POLR2D: variants seen among roughly 807,000 people sequenced by gnomAD.
POLR2D encodes the protein RNA polymerase II subunit D.
Under a neutral mutation model 17.6 loss-of-function variants are expected in POLR2D, and 10 were observed. The ratio of observed to expected loss-of-function variants is 0.57; its 90% CI spans 0.35 to 0.96. The LOEUF is 0.96. POLR2D is among the 40% of genes least tolerant of loss of function. POLR2D has a pLI of 0.02. For missense variants in POLR2D, 126 were observed against 176.4 expected (o/e 0.71, Z 1.62); for synonymous variants, 52 against 60.2 (o/e 0.86, Z 0.63).
intron 1 of POLR2D, chr2:127,857,773 G>A (rs973115694): frequency 7.8e-7 from 1 of 1,280,048 alleles, no homozygotes; most frequent in African/African-American, 1.6e-5. Flanking sequence ...TACCACCTGA[G>A]TGTCCGGCTT....
intron 2 of POLR2D, among the ~76,000 whole-genome samples, chr2:127,851,895 A>T (rs1690258294): frequency 6.6e-6 from 1 of 152,118 alleles, no homozygotes; most frequent in Non-Finnish European, 1.5e-5. Flanking sequence ...GGTTCAAGCA[A>T]TTCTCCTTTC....
At chr2:127,856,504 T>C (rs1029938952) in intron 1 of POLR2D, among the ~76,000 whole-genome samples, 2 of 149,122 alleles carry the variant, frequency 1.3e-5, no homozygotes, top group African/African-American at 4.9e-5. Flanking sequence ...GCAGGATGGC[T>C]TGAAACTAGG....
chr2:127,848,952 G>A (rs920229363), intron 3 of POLR2D, among the ~76,000 whole-genome samples: 3 of 151,568 alleles, frequency 2.0e-5, no homozygotes, highest in Non-Finnish European at 2.9e-5. Flanking sequence ...GAGCCACCAC[G>A]CCCGGCCCTG....
chr2:127,857,423 G>A (rs192541520), intron 1 of POLR2D, among the ~76,000 whole-genome samples: 22 of 152,322 alleles, frequency 1.4e-4, no homozygotes, highest in Admixed American at 3.9e-4. Context: ...ACCACTTAAA[G>A]TGCGTGCGTG....
intron 1 of POLR2D, among the ~76,000 whole-genome samples, chr2:127,854,002 C>T (rs1012400156): frequency 2.6e-5 from 4 of 152,124 alleles, no homozygotes; most frequent in Non-Finnish European, 4.4e-5. Flanking sequence ...TCCCTCTAGC[C>T]GGCATCAGCT....
intron 1 of POLR2D, among the ~76,000 whole-genome samples, chr2:127,854,762 GTT>G (rs745421537): frequency 3.5e-4 from 53 of 152,104 alleles, no homozygotes; most frequent in Non-Finnish European, 5.7e-4. Context: ...GGGCAGGAGA[GTT>G]TAAACGAAAA....
chr2:127,857,575 A>G (rs1690359673), intron 1 of POLR2D, among the ~76,000 whole-genome samples: 1 of 150,826 alleles, frequency 6.6e-6, no homozygotes, highest in South Asian at 2.1e-4. Flanking sequence ...ACACGGACCA[A>G]TCCTCCTCTT....
Position 127,845,228 on chromosome 2 carries a change from A to G in POLR2D, c.*2879T>C, listed in dbSNP as rs77940289. 3,871 of 152,304 alleles carry G rather than the reference A, an allele frequency of 0.025. 60 individuals carry two copies. Among genetic ancestry groups the G allele is most frequent in the Non-Finnish European group, 0.041 (2,780 of 68,040 alleles). 9.4% of individuals were successfully genotyped at this position (152,304 alleles called of 1,614,324 possible). On this transcript the variant is annotated 3_prime_UTR_variant, in exon 4 of 4. Coordinates refer to ENST00000272645, the MANE Select transcript of POLR2D (RefSeq NM_004805.4). ...ATGTAAGTGCCTCTCTCAAGAAATA[A>G]TTCTGCAGTACTCACTTTGGCAGCA... is the stretch of plus-strand genomic sequence containing the variant.
intron 2 of POLR2D, among the ~76,000 whole-genome samples, chr2:127,851,751 C>A (rs1014902619): frequency 6.6e-6 from 1 of 152,120 alleles, no homozygotes; most frequent in African/African-American, 2.4e-5. Flanking sequence ...ATCTATCTAT[C>A]TATCTATAGG....
At chr2:127,849,486 A>G (rs554022243) in intron 3 of POLR2D, among the ~76,000 whole-genome samples, 2 of 152,302 alleles carry the variant, frequency 1.3e-5, no homozygotes, top group South Asian at 4.1e-4. Context: ...TTTGCCATAC[A>G]TATTTTTATA....
chr2:127,858,115 G>GCGCCT lies in POLR2D; in HGVS notation c.-16_-15insAGGCG. On this transcript the variant is annotated 5_prime_UTR_variant, in exon 1 of 4. Transcript: ENST00000272645. ...CCCGCCGCCATCGCCGCGCCGCGCC[G>GCGCCT]CGCGCCACCACCAGCGCCGCCGGAA... 1 of 1,475,498 alleles carries GCGCCT rather than the reference G, an allele frequency of 6.8e-7. No individual in the cohort carries two copies. Among genetic ancestry groups the GCGCCT allele is most frequent in the Non-Finnish European group, 9.0e-7 (1 of 1,111,900 alleles). 91.4% of individuals were successfully genotyped at this position (1,475,498 alleles called of 1,614,324 possible).
intron 1 of POLR2D, among the ~76,000 whole-genome samples, chr2:127,855,822 CAATT>C (rs1444675008): frequency 1.3e-5 from 2 of 148,718 alleles, no homozygotes; most frequent in Non-Finnish European, 3.0e-5. Flanking sequence ...CACACACACA[CAATT>C]TATTTAGAAA....
At chr2:127,850,972 G>A (rs1262470327) in intron 2 of POLR2D, among the ~76,000 whole-genome samples, 2 of 152,136 alleles carry the variant, frequency 1.3e-5, no homozygotes, top group Non-Finnish European at 2.9e-5. Context: ...TGTAATCCCA[G>A]CACTTTGGGA....
At chr2:127,855,885 A>G (rs1381510568) in intron 1 of POLR2D, among the ~76,000 whole-genome samples, 1 of 152,236 alleles carries the variant, frequency 6.6e-6, no homozygotes, top group Non-Finnish European at 1.5e-5. Flanking sequence ...TCTTGTGCAA[A>G]TATTTTAAGA....
chr2:127,854,593 G>A (rs1387775028), intron 1 of POLR2D, among the ~76,000 whole-genome samples: 7 of 152,158 alleles, frequency 4.6e-5, no homozygotes, highest in Non-Finnish European at 1.0e-4. Context: ...TTACAACACA[G>A]ATAGTTTTAA....
At chr2:127,848,796 G>A (rs554800649) in intron 3 of POLR2D, among the ~76,000 whole-genome samples, 35 of 151,718 alleles carry the variant, frequency 2.3e-4, no homozygotes, top group African/African-American at 7.7e-4. Flanking sequence ...GATTACAGGC[G>A]TAAGCCACCA....
intron 1 of POLR2D, 126 bp downstream of exon 1, chr2:127,857,902 C>T: frequency 4.3e-6 from 6 of 1,408,546 alleles, no homozygotes; most frequent in Non-Finnish European, 5.6e-6. Context: ...CCTCCCCAGC[C>T]CCACGCCGCG....
chr2:127,848,415 T>C (rs1690188983), intron 3 of POLR2D, among the ~76,000 whole-genome samples: 1 of 152,088 alleles, frequency 6.6e-6, no homozygotes, highest in Admixed American at 6.5e-5. Context: ...AGGTTTTTTT[T>C]TTTCTTTTTT....
intron 1 of POLR2D, among the ~76,000 whole-genome samples, chr2:127,857,382 G>T (rs1200640136): frequency 6.6e-6 from 1 of 152,292 alleles, no homozygotes; most frequent in Admixed American, 6.5e-5. Context: ...TTTTTGAGCT[G>T]AAGACCTCAT....
Sources: gnomAD v4.1 joint callset for allele counts (sites outside exome capture counted in the v4.1 genomes callset) on GRCh38, gnomAD v4.1.1 for gene constraint, MANE v1.5 for transcripts, NCBI Gene and HGNC (gene_info 2026-07-23, HGNC 2026-07-21) for gene names.